Variants in ANKRD46 observed in about 807,000 individuals in gnomAD.
ANKRD46 encodes ankyrin repeat domain 46.
A neutral mutation model predicts 19.8 loss-of-function variants in ANKRD46; 13 were observed. The observed-to-expected ratio is 0.66, with a 90% CI of 0.43 to 1.04. The LOEUF (loss-of-function observed/expected upper bound fraction) is 1.04. Ranked by LOEUF, ANKRD46 falls within the 50% of genes least tolerant of loss-of-function variation. The pLI, the probability that ANKRD46 is intolerant of heterozygous loss-of-function variation, is 0.00. For synonymous variants in ANKRD46, 91 were observed against 106.9 expected (o/e 0.85, Z 0.92); for missense variants, 185 against 274.8 (o/e 0.67, Z 2.31).
At position 100,522,424 on chromosome 8, in the gene ANKRD46, A is replaced by T; in HGVS notation, c.*131T>A. On this transcript the variant is annotated 3_prime_UTR_variant, in exon 5 of 5. Transcript: ENST00000335659. ...ACACATCATTATCTAAAAGGATTAC[A>T]ATAATTAAAAATGCAAAAAGAACAT... is the stretch of plus-strand genomic sequence containing the variant. 1 of 1,451,550 alleles carries T rather than the reference A, an allele frequency of 6.9e-7. No homozygotes were observed. The highest frequency in any genetic ancestry group is 9.0e-7 in the Non-Finnish European group (1 of 1,108,468). 89.9% of individuals were successfully genotyped at this position (1,451,550 alleles called of 1,614,324 possible).
chr8:100,558,714 A>T (rs1474949505), intron 1 of ANKRD46, among the ~76,000 whole-genome samples: 2 of 152,162 alleles, frequency 1.3e-5, no homozygotes. Context: ...AGACGCAGGG[A>T]TACTGAAGTA....
chr8:100,531,987 G>C (rs566591736), intron 2 of ANKRD46, among the ~76,000 whole-genome samples: 1 of 152,276 alleles, frequency 6.6e-6, no homozygotes, highest in East Asian at 1.9e-4. Context: ...GTGGCAGGCA[G>C]AAGGGGACGC....
Position 100,537,320 on chromosome 8 carries a change from A to C in ANKRD46, c.-130-4009T>G, listed in dbSNP as rs1423403690. Among the ~76,000 whole-genome samples, 2 of 152,222 alleles carry C rather than the reference A, an allele frequency of 1.3e-5. No individual in the cohort carries two copies. The highest frequency in any genetic ancestry group is 6.5e-5 in the Admixed American group (1 of 15,274). ...AATGGACTGACTACATTATGCCTAC[A>C]CAAGCAATTTTGGTCAGAGATCAAA... On this transcript the variant is annotated intron_variant, in intron 1 of 4. Coordinates refer to ENST00000335659, the MANE Select transcript of ANKRD46 (RefSeq NM_001270377.2). The surrounding 1 kb of genome is among the most constrained non-coding windows in gnomAD (Gnocchi z 4.2).
rs1381539946 is a variant in ANKRD46, at chr8:100,510,377, C to T, written c.*200G>A. 2.3e-6 allele frequency: 1 copy of T among 438,746 alleles called. No homozygotes were observed. Among genetic ancestry groups the T allele is most frequent in the African/African-American group, 2.0e-5 (1 of 49,820 alleles). The allele number at this position is 438,746 out of a possible 1,614,324, so 27.2% of individuals were successfully genotyped here. A position where few individuals can be genotyped will look rare whatever the true frequency, so the allele number is the denominator to read the frequency against. ...GGGAGGCCAGGAAGACAGCAGGTGC[C>T]CGGGCTGCCTGCAGGGCAGGACTGG... is the stretch of plus-strand genomic sequence containing the variant. On this transcript the variant is annotated 3_prime_UTR_variant, in exon 6 of 6. Coordinates refer to the ANKRD46 transcript ENST00000520552. This position sits in a 1 kb window ranked among gnomAD's most constrained non-coding sequence, Gnocchi z 4.9.
At position 100,534,497 on chromosome 8, in the gene ANKRD46, A is replaced by G. The variant is rs1360237074; in HGVS notation, c.-130-1186T>C. 1.3e-5 allele frequency among the ~76,000 whole-genome samples: 2 copies of G among 152,182 alleles called. No individual in the cohort carries two copies. The highest frequency in any genetic ancestry group is 4.8e-5 in the African/African-American group (2 of 41,434). ...TTCCTTAAACAAATATTATGTATTCACCCAAAGCCTAATATTTTTCCTCTC... is the reference window on the plus strand; with the variant it reads ...TTCCTTAAACAAATATTATGTATTCGCCCAAAGCCTAATATTTTTCCTCTC... On this transcript the variant is annotated intron_variant, in intron 1 of 4. Transcript: ENST00000335659. This position sits in a 1 kb window ranked among gnomAD's most constrained non-coding sequence, Gnocchi z 4.2.
Position 100,510,753 on chromosome 8 carries a change from G to C in ANKRD46, c.637-114C>G, listed in dbSNP as rs1476710242. ...AAATATATAGAACCAGAAAGCACAG[G>C]CTTGCTTCTCCTCTGCCCATCTCAG... On this transcript the variant is annotated intron_variant, in intron 5 of 5. Transcript: ENST00000520552. The surrounding 1 kb of genome is among the most constrained non-coding windows in gnomAD (Gnocchi z 4.9). 5.2e-6 allele frequency: 5 copies of C among 965,750 alleles called. No individual in the cohort carries two copies. Among genetic ancestry groups the C allele is most frequent in the Admixed American group, 2.6e-5 (1 of 38,600 alleles). The allele number at this position is 965,750 out of a possible 1,614,324, so 59.8% of individuals were successfully genotyped here. A position where few individuals can be genotyped will look rare whatever the true frequency, so the allele number is the denominator to read the frequency against.
chr8:100,510,247 G>A lies in ANKRD46; in HGVS notation c.*330C>T, dbSNP rs893580621. ...TGGGAGTTGTCATTTCAGACACCAC[G>A]GCAGCCTTTTGTTCAAGATCAAATG... On this transcript the variant is annotated 3_prime_UTR_variant, in exon 6 of 6. Transcript: ENST00000520552. This position sits in a 1 kb window ranked among gnomAD's most constrained non-coding sequence, Gnocchi z 4.9. The A allele has an allele frequency of 5.9e-5, 16 of 270,902 alleles. No individual in the cohort carries two copies. Among genetic ancestry groups the A allele is most frequent in the African/African-American group, 1.7e-4 (8 of 45,790 alleles). The allele number at this position is 270,902 out of a possible 1,614,324, so 16.8% of individuals were successfully genotyped here.
At position 100,527,754 on chromosome 8, in the gene ANKRD46, A is replaced by C; in HGVS notation, c.470+91T>G. 1 of 1,389,632 alleles carries C rather than the reference A, an allele frequency of 7.2e-7. No individual in the cohort carries two copies. 86.1% of individuals were successfully genotyped at this position (1,389,632 alleles called of 1,614,324 possible). On this transcript the variant is annotated intron_variant, in intron 4 of 4. Transcript: ENST00000335659. The surrounding 1 kb of genome is among the most constrained non-coding windows in gnomAD (Gnocchi z 4.0). ...GCTACATGTGCCTATAGTCCCAGCT[A>C]GTCAGGAGGCTGAGGCAGGAAGAAT...
At chr8:100,519,846 T>C (rs921439920), downstream of ANKRD46, among the ~76,000 whole-genome samples, 2 of 152,148 alleles carry the variant, frequency 1.3e-5, no homozygotes, top group Non-Finnish European at 2.9e-5. Flanking sequence ...CTGCAGCTTG[T>C]TGCGGGGGAT....
Position 100,521,201 on chromosome 8 carries a change from A to C in ANKRD46, c.*1354T>G. Reference sequence around the variant, plus strand: ...ATAGATACAAGAGAAAATACCAAGAAGCAAAAAGAATCACAGAAATACCAA... The same window carrying C: ...ATAGATACAAGAGAAAATACCAAGACGCAAAAAGAATCACAGAAATACCAA... On this transcript the variant is annotated 3_prime_UTR_variant, in exon 5 of 5. Transcript: ENST00000335659. 2.0e-6 allele frequency: 2 copies of C among 985,280 alleles called. No individual in the cohort carries two copies. Among genetic ancestry groups the C allele is most frequent in the Non-Finnish European group, 2.4e-6 (2 of 829,912 alleles). 61.0% of individuals were successfully genotyped at this position (985,280 alleles called of 1,614,324 possible). A position where few individuals can be genotyped will look rare whatever the true frequency, so the allele number is the denominator to read the frequency against.
chr8:100,516,925 G>A (rs1811644051), downstream of ANKRD46, among the ~76,000 whole-genome samples: 1 of 152,132 alleles, frequency 6.6e-6, no homozygotes, highest in Admixed American at 6.5e-5. Context: ...TAAGTAGACA[G>A]GCATCACAGC....
intron 5 of ANKRD46, among the ~76,000 whole-genome samples, chr8:100,513,447 T>C (rs1166477954): frequency 6.6e-6 from 1 of 152,246 alleles, no homozygotes; most frequent in East Asian, 1.9e-4. Flanking sequence ...TTAATCGTGA[T>C]AGGTCTGTGA....
rs1462066506 is a variant in ANKRD46 at position 100,510,760 on chromosome 8, TCTC to T, written c.637-124_637-122del. ...TAGAACCAGAAAGCACAGGCTTGCT[TCTC>T]CTCTGCCCATCTCAGCTCTCAACGC... is the stretch of plus-strand genomic sequence containing the variant. On this transcript the variant is annotated intron_variant, in intron 5 of 5. Coordinates refer to the ANKRD46 transcript ENST00000520552. The surrounding 1 kb of genome is among the most constrained non-coding windows in gnomAD (Gnocchi z 4.9). 1.6e-5 allele frequency: 14 copies of T among 885,634 alleles called. No individual in the cohort carries two copies. The South Asian group carries it at 2.4e-4, about 15-fold the overall frequency. The allele number at this position is 885,634 out of a possible 1,614,324, so 54.9% of individuals were successfully genotyped here. A position where few individuals can be genotyped will look rare whatever the true frequency, so the allele number is the denominator to read the frequency against.
At chr8:100,540,195 T>TA (rs57942001) in intron 1 of ANKRD46, among the ~76,000 whole-genome samples, 72,695 of 147,676 alleles carry the variant, frequency 0.49, 18,310 homozygotes, top group Non-Finnish European at 0.58. Context: ...ATTTCATGAG[T>TA]AAAAAAAAAA....
In ANKRD46 at chr8:100,537,485, A is replaced by C. The variant is rs775992470; in HGVS notation, c.-130-4174T>G. 1.3e-5 allele frequency among the ~76,000 whole-genome samples: 2 copies of C among 152,230 alleles called. No homozygotes were observed. The highest frequency in any genetic ancestry group is 2.4e-5 in the African/African-American group (1 of 41,450). ...AAAATGAATGATACACAGTAAATGA[A>C]ACCCCCAAATCTAGATTCTATCACT... On this transcript the variant is annotated intron_variant, in intron 1 of 4. Coordinates refer to ENST00000335659, the MANE Select transcript of ANKRD46 (RefSeq NM_001270377.2). This position sits in a 1 kb window ranked among gnomAD's most constrained non-coding sequence, Gnocchi z 4.2.
At chr8:100,528,131 T>A in intron 3 of ANKRD46, 128 bp from the exon 4 acceptor site, 2 of 947,026 alleles carry the variant, frequency 2.1e-6, no homozygotes, top group Non-Finnish European at 2.9e-6. Flanking sequence ...TGGGCCCAAT[T>A]AGGGCCTACC....
At chr8:100,542,630 T>C (rs937370725) in intron 1 of ANKRD46, among the ~76,000 whole-genome samples, 4 of 151,764 alleles carry the variant, frequency 2.6e-5, no homozygotes, top group African/African-American at 9.7e-5. Context: ...TGGGAAGGAG[T>C]CTTTTTTGAG....
chr8:100,513,322 T>C (rs2130625801), intron 5 of ANKRD46, among the ~76,000 whole-genome samples: 1 of 152,332 alleles, frequency 6.6e-6, no homozygotes, highest in African/African-American at 2.4e-5. Flanking sequence ...TCCCTGACTT[T>C]AGGATACATA....
chr8:100,514,711 C>T (rs7842124), intron 5 of ANKRD46, among the ~76,000 whole-genome samples: 63,950 of 148,004 alleles, frequency 0.43, 13,940 homozygotes, highest in Non-Finnish European at 0.47. Context: ...AACCTCCACC[C>T]CTGGGGCTCA....
Sources: gnomAD v4.1 joint callset for allele counts (sites outside exome capture counted in the v4.1 genomes callset) on GRCh38, gnomAD v4.1.1 for gene constraint, Gnocchi (gnomAD v3.1) non-coding constraint, MANE v1.5 for transcripts, NCBI Gene and HGNC (gene_info 2026-07-23, HGNC 2026-07-21) for gene names.